The following SMURF2 variants were observed in gnomAD, a reference collection of about 807,000 sequenced individuals.
The protein encoded by SMURF2 is E3 ubiquitin-protein ligase SMURF2.
In SMURF2, 48 loss-of-function variants were observed where a neutral mutation model predicts 109.6. That is an observed-to-expected ratio of 0.44 (90% CI 0.35 to 0.56). The LOEUF (loss-of-function observed/expected upper bound fraction) is 0.56, where lower values mean the gene tolerates loss of function less well. SMURF2 is among the 20% of genes least tolerant of loss of function. The pLI is 0.01. For synonymous variants in SMURF2, 288 were observed against 317.1 expected, an observed-to-expected ratio of 0.91 and a Z score of 0.97; for missense variants, 575 against 909.0, an observed-to-expected ratio of 0.63 and a Z score of 4.72.
intron 5 of SMURF2, among the ~76,000 whole-genome samples, chr17:64,588,590 G>A (rs1969702028): frequency 6.6e-6 from 1 of 151,800 alleles, no homozygotes; most frequent in Non-Finnish European, 1.5e-5. Flanking sequence ...AAAAATACTA[G>A]AGGGGAATAC....
At chr17:64,570,790 T>C (rs1351431068) in intron 10 of SMURF2, among the ~76,000 whole-genome samples, 1 of 152,160 alleles carries the variant, frequency 6.6e-6, no homozygotes, top group East Asian at 1.9e-4. Context: ...TTTGTTTGTT[T>C]GCTTTTTAAA....
At chr17:64,606,779 C>T (rs1213924768) in intron 1 of SMURF2, 139 bp from the exon 2 acceptor site, 2 of 563,362 alleles carry the variant, frequency 3.6e-6, no homozygotes, top group Non-Finnish European at 6.0e-6. Flanking sequence ...CACAAACTTT[C>T]GAACTAGCAA....
In SMURF2 at chr17:64,551,671, A is replaced by G; in HGVS notation, c.1782T>C (p.Ile594=). Residue 594 remains isoleucine (I), a synonymous_variant, in exon 16 of 19, where the codon ATT becomes ATC. Transcript: ENST00000262435. The part of the protein sequence containing the change: ...LYVNWRFLRG[I]EAQFLALQKG... ...TCTGCAGAGCCAAGAATTGAGCCTC[A>G]ATGCCTCGTAAAAATCTCCAGTTCA... is the stretch of plus-strand genomic sequence containing the variant. The G allele has an allele frequency of 6.2e-7, 1 of 1,614,096 alleles. No individual in the cohort carries two copies. Among genetic ancestry groups the G allele is most frequent in the Non-Finnish European group, 8.5e-7 (1 of 1,179,974 alleles).
At chr17:64,607,573 C>A (rs1313073757) in intron 1 of SMURF2, among the ~76,000 whole-genome samples, 1 of 151,046 alleles carries the variant, frequency 6.6e-6, no homozygotes, top group Non-Finnish European at 1.5e-5. Flanking sequence ...TTGCAGTGAG[C>A]CAAGATTGCG....
At chr17:64,658,945 T>G (rs943806479) in intron 1 of SMURF2, among the ~76,000 whole-genome samples, 2 of 152,248 alleles carry the variant, frequency 1.3e-5, no homozygotes, top group African/African-American at 4.8e-5. Flanking sequence ...GCTTGATGGA[T>G]GAAATCAGAT....
At chr17:64,636,805 C>A (rs1210514313) in intron 1 of SMURF2, among the ~76,000 whole-genome samples, 1 of 150,968 alleles carries the variant, frequency 6.6e-6, no homozygotes, top group Admixed American at 6.6e-5. Context: ...AAAAAGAGTT[C>A]TTTATATATT....
At chr17:64,606,735 T>G (rs551185543) in intron 1 of SMURF2, 95 bp from the exon 2 acceptor site, 1 of 873,812 alleles carries the variant, frequency 1.1e-6, no homozygotes, top group African/African-American at 1.7e-5. Flanking sequence ...AGTGAATAGT[T>G]AAACCCTAAC....
chr17:64,661,962 G>A lies in SMURF2; in HGVS notation c.-82C>T. On this transcript the variant is annotated 5_prime_UTR_variant, in exon 1 of 19. Coordinates refer to ENST00000262435, the MANE Select transcript of SMURF2 (RefSeq NM_022739.4). ...GCGGCGGAGTCACCACAGCGGCCGG[G>A]GCTGGGGCCCGAGCAGCCGGCGCCT... The A allele has an allele frequency of 8.8e-7, 1 of 1,131,706 alleles. No homozygotes were observed. 70.1% of individuals were successfully genotyped at this position (1,131,706 alleles called of 1,614,324 possible).
In SMURF2 at chr17:64,593,686, T is replaced by C. The variant is rs369171454; in HGVS notation, c.201-113A>G. On this transcript the variant is annotated intron_variant, in intron 3 of 18. Transcript: ENST00000262435. The stretch of plus-strand genomic sequence containing the variant: ...TTACTAATATGCTTCAGAATCTGGC[T>C]AGATTATGCAAAATATGTCTTGAGT... The C allele has an allele frequency of 1.4e-4, 120 of 843,930 alleles. 1 individual carries two copies. Among genetic ancestry groups the C allele is most frequent in the African/African-American group, 1.1e-3 (64 of 58,856 alleles). 52.3% of individuals were successfully genotyped at this position (843,930 alleles called of 1,614,324 possible).
intron 1 of SMURF2, among the ~76,000 whole-genome samples, chr17:64,619,698 T>C (rs1171959503): frequency 6.6e-6 from 1 of 151,958 alleles, no homozygotes; most frequent in Non-Finnish European, 1.5e-5. Flanking sequence ...CCCTGTATGC[T>C]TGCATGGCCC....
At chr17:64,596,998 T>C (rs8072445) in intron 3 of SMURF2, among the ~76,000 whole-genome samples, 2 of 152,200 alleles carry the variant, frequency 1.3e-5, no homozygotes, top group African/African-American at 2.4e-5. Context: ...ATCATAATAA[T>C]GTAAACATGG....
intron 8 of SMURF2, among the ~76,000 whole-genome samples, chr17:64,579,734 C>A (rs1555686379): frequency 6.6e-6 from 1 of 152,092 alleles, no homozygotes; most frequent in Non-Finnish European, 1.5e-5. Context: ...TTGCAACAAA[C>A]CTAGATGGTT....
At chr17:64,568,792 A>G (rs1969353580) in intron 10 of SMURF2, among the ~76,000 whole-genome samples, 2 of 150,560 alleles carry the variant, frequency 1.3e-5, no homozygotes, top group Admixed American at 6.6e-5. Context: ...ACTTGAGGCC[A>G]AGAGTTGGAG....
In SMURF2 at chr17:64,596,585, CAAAAAAAAAAAAA is replaced by C. The variant is rs201858792; in HGVS notation, c.200+1784_200+1796del. Among the ~76,000 whole-genome samples the C allele has an allele frequency of 5.5e-4, 25 of 45,470 alleles. No individual in the cohort carries two copies. The East Asian group carries it at 0.015, about 27-fold the overall frequency. The allele number at this position is 45,470 out of a possible 152,430, so 29.8% of individuals were successfully genotyped here. On this transcript the variant is annotated intron_variant, in intron 3 of 18. Transcript: ENST00000262435. Reference sequence around the variant, plus strand: ...AAGTTCACCGAAACAGGAGAGTAAACAAAAAAAAAAAAAAAAAAAAAAAAGGAAGTCACTAAAC... The same window carrying C: ...AAGTTCACCGAAACAGGAGAGTAAACAAAAAAAAAAAGGAAGTCACTAAAC...
intron 1 of SMURF2, among the ~76,000 whole-genome samples, chr17:64,656,910 C>T (rs183125659): frequency 4.6e-5 from 7 of 152,242 alleles, no homozygotes; most frequent in Admixed American, 4.6e-4. Context: ...GTTCCCCCCA[C>T]CTTAAAAAAA....
intron 1 of SMURF2, among the ~76,000 whole-genome samples, chr17:64,632,216 C>A (rs1970361274): frequency 6.6e-6 from 1 of 152,094 alleles, no homozygotes; most frequent in South Asian, 2.1e-4. Context: ...ACCTCGACCT[C>A]CCAAAGTGCT....
chr17:64,587,904 G>T (rs2144648588), intron 5 of SMURF2, among the ~76,000 whole-genome samples: 1 of 152,066 alleles, frequency 6.6e-6, no homozygotes, highest in South Asian at 2.1e-4. Context: ...CAAAGCTAAA[G>T]AATTTCATGG....
chr17:64,559,458 G>C (rs1969178405), intron 12 of SMURF2, among the ~76,000 whole-genome samples: 1 of 151,904 alleles, frequency 6.6e-6, no homozygotes, highest in African/African-American at 2.4e-5. Flanking sequence ...GCTAGGCGTG[G>C]TTGTATGCGC....
intron 10 of SMURF2, among the ~76,000 whole-genome samples, chr17:64,566,931 C>T (rs374800924): frequency 1.3e-5 from 2 of 148,324 alleles, no homozygotes; most frequent in African/African-American, 2.5e-5. Flanking sequence ...AGTACAGTGG[C>T]GCGATCTCAG....
Sources: allele counts gnomAD v4.1 joint callset (sites outside exome capture counted in the v4.1 genomes callset), GRCh38; gene constraint gnomAD v4.1.1; transcripts MANE v1.5; gene names NCBI Gene and HGNC (gene_info 2026-07-23, HGNC 2026-07-21).